Variants in AATF observed in about 807,000 individuals in gnomAD.
AATF encodes protein AATF.
A neutral mutation model predicts 63.7 loss-of-function variants in AATF; 48 were observed. The observed-to-expected ratio is 0.75, with a 90% confidence interval of 0.60 to 0.96. The LOEUF is 0.96. Ranked by LOEUF, AATF falls within the 40% of genes least tolerant of loss-of-function variation. AATF has a pLI of 0.00. For synonymous variants in AATF, 258 were observed against 247.7 expected, an observed-to-expected ratio of 1.04 and a Z score of -0.39; for missense variants, 639 against 685.7, an observed-to-expected ratio of 0.93 and a Z score of 0.76.
chr17:37,016,446 T>G (rs1313553463), intron 8 of AATF, among the ~76,000 whole-genome samples: 4 of 152,188 alleles, frequency 2.6e-5, no homozygotes, highest in African/African-American at 9.7e-5. Flanking sequence ...TGATTTTCCC[T>G]TAGAACTAGA....
In AATF at chr17:37,036,889, A is replaced by G. The variant is rs897478990; in HGVS notation, c.1619+5204A>G. On this transcript the variant is annotated intron_variant, in intron 11 of 11. Coordinates refer to ENST00000619387, the MANE Select transcript of AATF (RefSeq NM_012138.4). ...AAAAGAAAGCCCAATTTGTCCGTGT[A>G]TTATGTGTTTGCTTGCAAGGGAGGA... Among the ~76,000 whole-genome samples, 9 of 152,042 alleles carry G rather than the reference A, an allele frequency of 5.9e-5. 1 individual carries two copies. The highest frequency in any genetic ancestry group is 3.9e-4 in the Admixed American group (6 of 15,266).
At chr17:36,990,573 T>A (rs868581022) in intron 7 of AATF, among the ~76,000 whole-genome samples, 1 of 152,200 alleles carries the variant, frequency 6.6e-6, no homozygotes. Flanking sequence ...TTTCATATGA[T>A]TATTTATGGG....
At chr17:37,003,621 C>T (rs773517547) in intron 8 of AATF, among the ~76,000 whole-genome samples, 1 of 151,636 alleles carries the variant, frequency 6.6e-6, no homozygotes, top group Non-Finnish European at 1.5e-5. Context: ...CGTGCACCAC[C>T]ACACCCGGCT....
chr17:36,977,036 C>T (rs945229444), intron 4 of AATF, among the ~76,000 whole-genome samples: 9 of 152,102 alleles, frequency 5.9e-5, no homozygotes, highest in Non-Finnish European at 1.2e-4. Context: ...TGACTACTTG[C>T]TTAACAAAAG....
At chr17:37,052,566 G>C (rs2071761876) in intron 11 of AATF, 1 of 152,210 alleles carries the variant, frequency 6.6e-6, no homozygotes, top group Non-Finnish European at 1.5e-5. Flanking sequence ...TTCACACTGG[G>C]GTATGCAGAG....
At chr17:37,033,347 G>C (rs1455972914) in intron 11 of AATF, among the ~76,000 whole-genome samples, 1 of 152,162 alleles carries the variant, frequency 6.6e-6, no homozygotes, top group African/African-American at 2.4e-5. Flanking sequence ...AGCAAAACTA[G>C]ATTTTGAAAA....
chr17:37,007,664 G>C (rs2071352592), intron 8 of AATF, among the ~76,000 whole-genome samples: 1 of 152,134 alleles, frequency 6.6e-6, no homozygotes, highest in African/African-American at 2.4e-5. Context: ...CTTGGTGAGT[G>C]TGTATCGAAG....
At chr17:36,970,985 T>C (rs1401991610) in intron 4 of AATF, among the ~76,000 whole-genome samples, 2 of 151,304 alleles carry the variant, frequency 1.3e-5, no homozygotes, top group South Asian at 4.2e-4. Context: ...TTGAAAAACA[T>C]ATGGGAGAAA....
At chr17:36,983,281 A>G (rs1038905094) in intron 4 of AATF, among the ~76,000 whole-genome samples, 1 of 151,898 alleles carries the variant, frequency 6.6e-6, no homozygotes, top group African/African-American at 2.4e-5. Context: ...GGTCTCAAGC[A>G]GTTTATCCAC....
rs12942174 is a variant in AATF, at chr17:36,961,658, A to G, written c.832+7751A>G. On this transcript the variant is annotated intron_variant, in intron 4 of 11. Transcript: ENST00000619387. ...CCCTGGAAATGTAGTTGCTGGGACA[A>G]AGGACTTGTACATTGATTTTTTTTT... 6.9e-3 allele frequency among the ~76,000 whole-genome samples: 1,043 copies of G among 151,910 alleles called. 11 individuals are homozygous for G. Among genetic ancestry groups the G allele is most frequent in the African/African-American group, 0.023 (962 of 41,268 alleles).
At chr17:37,047,725 C>A (rs551168979) in intron 11 of AATF, among the ~76,000 whole-genome samples, 1 of 152,332 alleles carries the variant, frequency 6.6e-6, no homozygotes, top group Non-Finnish European at 1.5e-5. Flanking sequence ...CTTCTAGAGT[C>A]TCCTTCAAGC....
chr17:37,011,936 T>C (rs1025108581), intron 8 of AATF, among the ~76,000 whole-genome samples: 5 of 152,212 alleles, frequency 3.3e-5, no homozygotes, highest in African/African-American at 1.2e-4. Context: ...TTTGTGCCAA[T>C]TTTGTATTAT....
chr17:36,967,861 C>CTTTTTTTTT (rs372660652), intron 4 of AATF, among the ~76,000 whole-genome samples: 1 of 123,262 alleles, frequency 8.1e-6, no homozygotes, highest in Non-Finnish European at 1.8e-5. Context: ...CAGACCTTGC[C>CTTTTTTTTT]TTTTTTTTTT....
rs539079686 is a variant in AATF at position 37,009,411 on chromosome 17, C to G, written c.1399-9594C>G. On this transcript the variant is annotated intron_variant, in intron 8 of 11. Coordinates refer to ENST00000619387, the MANE Select transcript of AATF (RefSeq NM_012138.4). ...CCACCCACTTCGGCCTTCCAAAGTA[C>G]TAGGATTACAGGTGTGAACCACCGT... Among the ~76,000 whole-genome samples, 685 of 151,266 alleles carry G rather than the reference C, an allele frequency of 4.5e-3. 1 individual carries two copies. Among genetic ancestry groups the G allele is most frequent in the African/African-American group, 0.016 (645 of 41,200 alleles).
At chr17:37,013,520 G>A (rs1205924012) in intron 8 of AATF, among the ~76,000 whole-genome samples, 3 of 152,282 alleles carry the variant, frequency 2.0e-5, no homozygotes, top group Middle Eastern at 3.4e-3. Flanking sequence ...CAGAGATCAC[G>A]TGGCAAGAGA....
At chr17:36,960,640 G>A (rs1004700575) in intron 4 of AATF, among the ~76,000 whole-genome samples, 2 of 152,288 alleles carry the variant, frequency 1.3e-5, no homozygotes, top group African/African-American at 4.8e-5. Flanking sequence ...AGTTCTCTCA[G>A]TTAACACTTT....
chr17:37,005,648 A>G (rs1597722283), intron 8 of AATF, among the ~76,000 whole-genome samples: 1 of 152,222 alleles, frequency 6.6e-6, no homozygotes, highest in Admixed American at 6.5e-5. Flanking sequence ...AAATAATGCT[A>G]AAAAATAGTA....
At chr17:37,038,291 TTTG>T (rs1410519786) in intron 11 of AATF, among the ~76,000 whole-genome samples, 3 of 152,342 alleles carry the variant, frequency 2.0e-5, no homozygotes, top group Non-Finnish European at 4.4e-5. Flanking sequence ...TTAATTGTCA[TTTG>T]TTGTGTGGAT....
chr17:36,956,375 T>TA (rs1177743914), intron 4 of AATF, among the ~76,000 whole-genome samples: 1 of 152,222 alleles, frequency 6.6e-6, no homozygotes, highest in Non-Finnish European at 1.5e-5. Context: ...AAACAGACTT[T>TA]AAGAAAAAAA....
Sources: gnomAD v4.1 joint callset for allele counts (sites outside exome capture counted in the v4.1 genomes callset) on GRCh38, gnomAD v4.1.1 for gene constraint, MANE v1.5 for transcripts, NCBI Gene and HGNC (gene_info 2026-07-23, HGNC 2026-07-21) for gene names.